AGBL4: variants seen among roughly 807,000 people sequenced by gnomAD.
AGBL4 encodes AGBL carboxypeptidase 4, also known as cytosolic carboxypeptidase 6.
Under a neutral mutation model 66.4 loss-of-function variants are expected in AGBL4, and 58 were observed. The ratio of observed to expected loss-of-function variants is 0.87; its 90% CI spans 0.71 to 1.09. AGBL4 has a LOEUF of 1.09. Ranked by LOEUF, AGBL4 falls within the 50% of genes least tolerant of loss-of-function variation. The probability of loss-of-function intolerance (pLI) is 0.00; values close to 1 mark genes in which losing one functional copy is unlikely to be tolerated. For synonymous variants in AGBL4, 234 were observed against 222.9 expected, an observed-to-expected ratio of 1.05 and a Z score of -0.44; for missense variants, 579 against 631.0, an observed-to-expected ratio of 0.92 and a Z score of 0.88.
chr1:49,243,298 G>A lies in AGBL4; in HGVS notation c.377+2472C>T, dbSNP rs186963475. Among the ~76,000 whole-genome samples, 554 of 151,574 alleles carry A rather than the reference G, an allele frequency of 3.7e-3. 8 individuals carry two copies. The highest frequency in any genetic ancestry group is 1.1e-3 in the Non-Finnish European group (77 of 67,672). On this transcript the variant is annotated intron_variant, in intron 4 of 13. Transcript: ENST00000371839. ...AAGATACTATAAATTTGAGATCTAC[G>A]AGGTATTTTTCAGGTTTGAGTTAGG...
intron 11 of AGBL4, among the ~76,000 whole-genome samples, chr1:48,564,304 T>C (rs909633773): frequency 6.6e-6 from 1 of 152,154 alleles, no homozygotes; most frequent in South Asian, 2.1e-4. Context: ...AACAGTTCTG[T>C]ACTTTCCCTG....
chr1:48,751,501 A>C (rs1651725061), intron 6 of AGBL4, among the ~76,000 whole-genome samples: 1 of 152,196 alleles, frequency 6.6e-6, no homozygotes, highest in Non-Finnish European at 1.5e-5. Flanking sequence ...CAAGTTACCT[A>C]ATCTCTCTGA....
intron 4 of AGBL4, among the ~76,000 whole-genome samples, chr1:49,084,598 C>T (rs1028196415): frequency 6.6e-6 from 1 of 152,136 alleles, no homozygotes; most frequent in Admixed American, 6.6e-5. Flanking sequence ...CCTGGCCCTG[C>T]CCTTGACACA....
At chr1:49,697,269 A>T in intron 3 of AGBL4, 44 bp downstream of exon 3, 4 of 1,507,506 alleles carry the variant, frequency 2.7e-6, no homozygotes, top group Non-Finnish European at 3.6e-6. Flanking sequence ...AAAGCATATT[A>T]TTCTTACCAA....
At chr1:49,273,840 T>C (rs765104081) in intron 3 of AGBL4, among the ~76,000 whole-genome samples, 2 of 152,004 alleles carry the variant, frequency 1.3e-5, no homozygotes, top group African/African-American at 2.4e-5. Context: ...CATGCCCTGA[T>C]GACTTTTTGT....
intron 6 of AGBL4, among the ~76,000 whole-genome samples, chr1:48,841,740 T>C (rs986292769): frequency 5.3e-5 from 8 of 152,218 alleles, no homozygotes. Flanking sequence ...GATGGATCCT[T>C]ATCTCTTCTT....
chr1:48,551,477 C>A (rs1011963806), intron 11 of AGBL4, among the ~76,000 whole-genome samples: 4 of 152,114 alleles, frequency 2.6e-5, no homozygotes, highest in Non-Finnish European at 4.4e-5. Context: ...AGTATGAGCT[C>A]TTCAAGGACA....
intron 11 of AGBL4, among the ~76,000 whole-genome samples, chr1:48,557,595 G>A (rs1237849513): frequency 6.6e-6 from 1 of 152,196 alleles, no homozygotes; most frequent in Non-Finnish European, 1.5e-5. Flanking sequence ...GAGATCAAAA[G>A]GTTTTGTGAA....
chr1:49,766,805 T>C (rs186006626), intron 2 of AGBL4, among the ~76,000 whole-genome samples: 39 of 151,966 alleles, frequency 2.6e-4, no homozygotes, highest in African/African-American at 8.9e-4. Flanking sequence ...TCAAATAAAA[T>C]AGACTTTAAA....
chr1:49,675,377 A>G (rs1215977831), intron 3 of AGBL4, among the ~76,000 whole-genome samples: 1 of 152,086 alleles, frequency 6.6e-6, no homozygotes, highest in African/African-American at 2.4e-5. Context: ...ACAGATACAC[A>G]TGAACATACA....
intron 2 of AGBL4, among the ~76,000 whole-genome samples, chr1:49,742,238 G>A (rs1248616944): frequency 6.7e-6 from 1 of 149,748 alleles, no homozygotes; most frequent in Non-Finnish European, 1.5e-5. Context: ...AAAATCACAA[G>A]CATTCTTATA....
At chr1:49,164,153 A>G (rs1646590740) in intron 4 of AGBL4, among the ~76,000 whole-genome samples, 1 of 152,158 alleles carries the variant, frequency 6.6e-6, no homozygotes, top group African/African-American at 2.4e-5. Context: ...CAATATATAA[A>G]TTATACCTGG....
At chr1:49,350,686 G>A (rs959491168) in intron 3 of AGBL4, among the ~76,000 whole-genome samples, 3 of 152,146 alleles carry the variant, frequency 2.0e-5, no homozygotes, top group Non-Finnish European at 4.4e-5. Flanking sequence ...TGATTTCTGA[G>A]ATTTTGATGC....
At chr1:49,282,990 T>G (rs1365706128) in intron 3 of AGBL4, among the ~76,000 whole-genome samples, 1 of 152,148 alleles carries the variant, frequency 6.6e-6, no homozygotes, top group Non-Finnish European at 1.5e-5. Context: ...ACAAACCAGC[T>G]GGGAAGCTGG....
intron 5 of AGBL4, among the ~76,000 whole-genome samples, chr1:48,976,468 G>A (rs997886276): frequency 1.1e-4 from 16 of 152,202 alleles, no homozygotes; most frequent in South Asian, 8.3e-4. Context: ...ATTTGTCCTC[G>A]CTGGAAAGTG....
intron 3 of AGBL4, among the ~76,000 whole-genome samples, chr1:49,649,159 C>T (rs1645951187): frequency 6.6e-6 from 1 of 151,942 alleles, no homozygotes; most frequent in Non-Finnish European, 1.5e-5. Flanking sequence ...AATGGACCTA[C>T]TAAAAGATAG....
In AGBL4 at chr1:48,902,753, AG is replaced by A. The variant is rs538443815; in HGVS notation, c.595-35524del. Among the ~76,000 whole-genome samples, 180 of 152,196 alleles carry A rather than the reference AG, an allele frequency of 1.2e-3. 6 individuals are homozygous for A. In the South Asian group the frequency reaches 0.036, roughly 31 times the overall value. ...CTTCTTCCCTAATCTTCTCATATCT[AG>A]ATTTGCCTTTGGCAATTGAACCTTA... is the stretch of plus-strand genomic sequence containing the variant. On this transcript the variant is annotated intron_variant, in intron 5 of 13. Transcript: ENST00000371839.
At chr1:49,713,690 A>T (rs2124666502) in intron 2 of AGBL4, among the ~76,000 whole-genome samples, 1 of 152,220 alleles carries the variant, frequency 6.6e-6, no homozygotes, top group Admixed American at 6.6e-5. Flanking sequence ...ACTTTCAAGC[A>T]AAAAAGAAAT....
intron 2 of AGBL4, among the ~76,000 whole-genome samples, chr1:49,721,197 C>CA (rs1284291086): frequency 1.3e-5 from 2 of 152,094 alleles, no homozygotes; most frequent in Non-Finnish European, 2.9e-5. Flanking sequence ...TCTGATAAGA[C>CA]AAAAACAGAA....
Sources: allele counts gnomAD v4.1 joint callset (sites outside exome capture counted in the v4.1 genomes callset), GRCh38; gene constraint gnomAD v4.1.1; transcripts MANE v1.5; gene names NCBI Gene and HGNC (gene_info 2026-07-23, HGNC 2026-07-21).